SETD2: variants seen among roughly 807,000 people sequenced by gnomAD.
SETD2 encodes SET domain containing 2, histone lysine methyltransferase.
In SETD2, 31 loss-of-function variants were observed where a neutral mutation model predicts 242.1. The observed-to-expected ratio is 0.13, with a 90% CI of 0.10 to 0.17. The LOEUF (loss-of-function observed/expected upper bound fraction) is 0.17. Among genes scored for constraint, SETD2 ranks in the 10% least tolerant of loss-of-function variants. The pLI is 1.00. For synonymous variants in SETD2, 1,006 were observed against 1,066.5 expected (o/e 0.94, Z 1.11); for missense variants, 2,481 against 3,046.3 (o/e 0.81, Z 4.37).
At chr3:47,145,241 A>C (rs537774348) in intron 1 of SETD2, among the ~76,000 whole-genome samples, 101 of 152,308 alleles carry the variant, frequency 6.6e-4, no homozygotes, top group Non-Finnish European at 1.1e-3. Context: ...TATACACGAG[A>C]TATCTTGGGG....
intron 15 of SETD2, among the ~76,000 whole-genome samples, chr3:47,056,520 T>C (rs557039202): frequency 6.6e-6 from 1 of 152,132 alleles, no homozygotes; most frequent in Non-Finnish European, 1.5e-5. Flanking sequence ...TGTGAGTAGG[T>C]TGGAAAGTGA....
intron 1 of SETD2, among the ~76,000 whole-genome samples, chr3:47,155,818 A>G (rs1055631718): frequency 2.0e-5 from 3 of 152,166 alleles, no homozygotes; most frequent in Admixed American, 6.6e-5. Flanking sequence ...ACACACATAA[A>G]AAAGTGTTTT....
At chr3:47,038,478 G>T (rs1359222520) in intron 17 of SETD2, among the ~76,000 whole-genome samples, 2 of 152,108 alleles carry the variant, frequency 1.3e-5, no homozygotes, top group Non-Finnish European at 2.9e-5. Context: ...TGCCAGTCGT[G>T]GTGGCGGGCG....
Position 47,111,079 on chromosome 3 carries a change from T to TAAAA in SETD2, c.4715+2793_4715+2796dup, listed in dbSNP as rs10672755. Among the ~76,000 whole-genome samples the TAAAA allele has an allele frequency of 3.6e-3, 282 of 78,792 alleles. 50 individuals are homozygous for TAAAA. Among genetic ancestry groups the TAAAA allele is most frequent in the Middle Eastern group, 0.024 (2 of 84 alleles). The allele number at this position is 78,792 out of a possible 152,430, so 51.7% of individuals were successfully genotyped here. A position where few individuals can be genotyped will look rare whatever the true frequency, so the allele number is the denominator to read the frequency against. ...GCTTGTGTCCAAACTGTGGTTCCTT[T>TAAAA]AAAAAAAAAAAAAAAAAAAAAAAAA... On this transcript the variant is annotated intron_variant, in intron 5 of 20. Transcript: ENST00000409792.
At chr3:47,049,654 G>A (rs550838272) in intron 15 of SETD2, among the ~76,000 whole-genome samples, 2 of 147,704 alleles carry the variant, frequency 1.4e-5, no homozygotes, top group Admixed American at 1.4e-4. Context: ...TTACAGGTGT[G>A]AGCCACCGCG....
At chr3:47,152,653 G>T (rs1369812172) in intron 1 of SETD2, among the ~76,000 whole-genome samples, 1 of 152,088 alleles carries the variant, frequency 6.6e-6, no homozygotes, top group Non-Finnish European at 1.5e-5. Context: ...GATTCACAAA[G>T]AGCTAACCAT....
At chr3:47,095,424 G>A (rs919172008) in intron 9 of SETD2, among the ~76,000 whole-genome samples, 37 of 152,166 alleles carry the variant, frequency 2.4e-4, no homozygotes, top group African/African-American at 7.2e-4. Context: ...GTGAGCCACC[G>A]TGCCTGGCCT....
At chr3:47,045,423 C>G (rs2039476155) in intron 16 of SETD2, among the ~76,000 whole-genome samples, 1 of 151,492 alleles carries the variant, frequency 6.6e-6, no homozygotes, top group Non-Finnish European at 1.5e-5. Flanking sequence ...GAGGCTGAGG[C>G]CGGAGAATGG....
At position 47,123,342 on chromosome 3, in the gene SETD2, G is replaced by A. The variant is rs1017636782; in HGVS notation, c.1294C>T (p.Arg432Cys). Residue 432 changes from arginine to cysteine, a missense_variant, in exon 3 of 21, where the codon CGT becomes TGT. This residue lies in a region of SETD2 where 1,300 missense variants were observed against 1,259.2 expected (regional missense o/e 1.03). Coordinates refer to ENST00000409792, the MANE Select transcript of SETD2 (RefSeq NM_014159.7). ...SERSHYYDSD[R>C]RYHRSSPYRE... The stretch of plus-strand genomic sequence containing the variant: ...TAAGGGGAGCTCCTATGGTAGCGAC[G>A]ATCAGAGTCATAATAATGAGATCGT... 8.4e-6 allele frequency: 13 copies of A among 1,551,522 alleles called. No homozygotes were observed. Among genetic ancestry groups the A allele is most frequent in the African/African-American group, 1.4e-5 (1 of 73,018 alleles).
chr3:47,071,691 CAAAT>C (rs1054984791), intron 12 of SETD2, among the ~76,000 whole-genome samples: 6 of 149,472 alleles, frequency 4.0e-5, no homozygotes, highest in Admixed American at 6.6e-5. Flanking sequence ...AAAAAAAAAA[CAAAT>C]AAAAGTAAAA....
chr3:47,103,563 G>A, intron 6 of SETD2, 140 bp from the exon 7 acceptor site: 1 of 597,062 alleles, frequency 1.7e-6, no homozygotes, highest in Middle Eastern at 4.5e-4. Flanking sequence ...AGGTAGGGCA[G>A]TGAGGCCTCC....
intron 15 of SETD2, among the ~76,000 whole-genome samples, chr3:47,051,331 C>G (rs1435956644): frequency 6.6e-6 from 1 of 152,158 alleles, no homozygotes; most frequent in African/African-American, 2.4e-5. Context: ...TCTCAAACTA[C>G]TAGGCTCAAG....
chr3:47,032,344 G>A (rs1222996783), intron 18 of SETD2, among the ~76,000 whole-genome samples: 13 of 151,714 alleles, frequency 8.6e-5, no homozygotes, highest in African/African-American at 2.7e-4. Context: ...ACCAGACCCT[G>A]TCTCTACAAA....
chr3:47,039,884 CAAAAA>C (rs201543639), intron 17 of SETD2, among the ~76,000 whole-genome samples: 2 of 75,028 alleles, frequency 2.7e-5, no homozygotes, highest in South Asian at 4.4e-4. Context: ...AACTCTGTCT[CAAAAA>C]AAAAAAAAAA....
chr3:47,120,671 C>T lies in SETD2; in HGVS notation c.3965G>A (p.Arg1322Gln), dbSNP rs147170912. 5.0e-6 allele frequency: 8 copies of T among 1,613,954 alleles called. No homozygotes were observed. Among genetic ancestry groups the T allele is most frequent in the African/African-American group, 2.7e-5 (2 of 74,898 alleles). ...GGAATCTGGTACTTGTCCTTGAGTT[C>T]GATCATACACAACCCCAGTTCCAGG... is the stretch of plus-strand genomic sequence containing the variant. ...RPPGTGVVYD[R>Q]TQGQVPDSLT... is the part of the protein sequence containing the mutation. The change falls in exon 3 of 21, where the codon CGA becomes CAA. Residue 1322 changes from arginine to glutamine, a missense_variant. This residue lies in a region of SETD2 where 1,300 missense variants were observed against 1,259.2 expected (regional missense o/e 1.03). Coordinates refer to ENST00000409792, the MANE Select transcript of SETD2 (RefSeq NM_014159.7).
Position 47,086,157 on chromosome 3 carries a change from A to T in SETD2, c.5397+38T>A, listed in dbSNP as rs769059483. The stretch of plus-strand genomic sequence containing the variant: ...ATCCACAACCGAGGCAATCAATATA[A>T]CAGTTTTAAGAAACAAGCAAGCTAA... On this transcript the variant is annotated intron_variant, in intron 11 of 20. Coordinates refer to ENST00000409792, the MANE Select transcript of SETD2 (RefSeq NM_014159.7). The T allele has an allele frequency of 1.6e-5, 25 of 1,607,082 alleles. No homozygotes were observed. In the South Asian group the frequency reaches 2.6e-4, roughly 17 times the overall value.
At chr3:47,046,653 A>C (rs1575683000) in intron 15 of SETD2, 32 bp from the exon 16 acceptor site, 2 of 1,593,604 alleles carry the variant, frequency 1.3e-6, no homozygotes, top group African/African-American at 2.7e-5. Context: ...TCAATAATTT[A>C]AGCTTTTGTC....
intron 1 of SETD2, among the ~76,000 whole-genome samples, chr3:47,139,543 T>C (rs1243495125): frequency 6.6e-6 from 1 of 152,232 alleles, no homozygotes; most frequent in Non-Finnish European, 1.5e-5. Flanking sequence ...ACATTCTCGT[T>C]ACTTTTTGAA....
intron 8 of SETD2, among the ~76,000 whole-genome samples, chr3:47,099,284 C>G (rs904491943): frequency 1.3e-5 from 2 of 152,096 alleles, no homozygotes; most frequent in Non-Finnish European, 2.9e-5. Context: ...GTGTGCTTTT[C>G]TAGCATAAAC....
Sources: gnomAD v4.1 joint callset for allele counts (sites outside exome capture counted in the v4.1 genomes callset) on GRCh38, gnomAD v4.1.1 for gene constraint, gnomAD v4.1.1 regional missense constraint, MANE v1.5 for transcripts, NCBI Gene and HGNC (gene_info 2026-07-23, HGNC 2026-07-21) for gene names.